Variants in SPECC1 observed in about 807,000 individuals in gnomAD.
The protein encoded by SPECC1 is sperm antigen with calponin homology and coiled-coil domains 1.
A neutral mutation model predicts 104.1 loss-of-function variants in SPECC1; 62 were observed. That is an observed-to-expected ratio of 0.60 (90% CI 0.49 to 0.74). SPECC1 has a LOEUF of 0.74. Among genes scored for constraint, SPECC1 ranks in the 30% least tolerant of loss-of-function variants. SPECC1 has a pLI of 0.00. For synonymous variants in SPECC1, 513 were observed against 501.6 expected, an observed-to-expected ratio of 1.02 and a Z score of -0.30; for missense variants, 1,306 against 1,310.5, an observed-to-expected ratio of 1.00 and a Z score of 0.05.
At chr17:20,118,476 A>C (rs1284668703) in intron 3 of SPECC1, among the ~76,000 whole-genome samples, 2 of 152,384 alleles carry the variant, frequency 1.3e-5, no homozygotes, top group African/African-American at 4.8e-5. Context: ...AATAGTATAC[A>C]GGCATGAAAA....
At chr17:20,182,953 C>A in intron 3 of SPECC1, among the ~76,000 whole-genome samples, 1 of 152,254 alleles carries the variant, frequency 6.6e-6, no homozygotes, top group South Asian at 2.1e-4. Context: ...GAAAAGAGAA[C>A]AAATAATGGG....
At chr17:20,198,847 C>G (rs2036211970) in intron 3 of SPECC1, among the ~76,000 whole-genome samples, 1 of 152,128 alleles carries the variant, frequency 6.6e-6, no homozygotes, top group Non-Finnish European at 1.5e-5. Flanking sequence ...GGTTTCCTCC[C>G]TTGTTTTTCT....
chr17:20,013,592 T>A (rs1199540587), intron 1 of SPECC1, among the ~76,000 whole-genome samples: 4 of 152,224 alleles, frequency 2.6e-5, no homozygotes, highest in Admixed American at 2.6e-4. Context: ...ACCTCCGGCT[T>A]TCGGGTTCAA....
chr17:20,239,878 GTTTTTTTTTTTTTTTTTTTTTTT>G (rs60216339), intron 7 of SPECC1, among the ~76,000 whole-genome samples: 1 of 36,912 alleles, frequency 2.7e-5, no homozygotes, highest in Non-Finnish European at 4.4e-5. Context: ...ATTTCGCTGA[GTTTTTTTTTTTTTTTTTTTTTTT>G]TTTTTTTTTA....
At position 20,232,408 on chromosome 17, in the gene SPECC1, G is replaced by T. The variant is rs1213903648; in HGVS notation, c.2351+3G>T. 6.2e-7 allele frequency: 1 copy of T among 1,602,802 alleles called. No homozygotes were observed. ...GTCACCAGCAGAGCCGCCCCTCCGT[G>T]AGTCTGGTGGGCACCAGGGCCGTGC... is the stretch of plus-strand genomic sequence containing the variant. On this transcript the variant is annotated splice_donor_region_variant and intron_variant, in intron 7 of 14. Coordinates refer to ENST00000395527, the MANE Select transcript of SPECC1 (RefSeq NM_001243439.2).
At chr17:20,017,709 A>G (rs1306822488) in intron 1 of SPECC1, 2 of 152,168 alleles carry the variant, frequency 1.3e-5, no homozygotes, top group East Asian at 1.9e-4. Flanking sequence ...TTTTGCACAA[A>G]TAGTAGCATT....
At chr17:20,264,496 G>T (rs2040151492) in intron 12 of SPECC1, among the ~76,000 whole-genome samples, 1 of 103,028 alleles carries the variant, frequency 9.7e-6, no homozygotes, top group Admixed American at 1.6e-4. Flanking sequence ...TTTTGAGACA[G>T]AGTCTCACTC....
At position 20,099,713 on chromosome 17, in the gene SPECC1, AAAAAAAAC is replaced by A. The variant is rs1178786000; in HGVS notation, c.147+2916_147+2923del. Among the ~76,000 whole-genome samples, 8 of 148,726 alleles carry A rather than the reference AAAAAAAAC, an allele frequency of 5.4e-5. 1 individual carries two copies. Among genetic ancestry groups the A allele is most frequent in the African/African-American group, 1.7e-4 (7 of 40,116 alleles). ...CTATCTCAAAAAAAAAAAAAAAAAA[AAAAAAAAC>A]CCACAAAATATATAAAATAAGGCCG... is the stretch of plus-strand genomic sequence containing the variant. On this transcript the variant is annotated intron_variant, in intron 2 of 14. Coordinates refer to ENST00000395527, the MANE Select transcript of SPECC1 (RefSeq NM_001243439.2).
chr17:20,218,159 A>G (rs1567952860), intron 4 of SPECC1, among the ~76,000 whole-genome samples: 1 of 152,202 alleles, frequency 6.6e-6, no homozygotes, highest in Non-Finnish European at 1.5e-5. Flanking sequence ...TTATATTACT[A>G]CCTAGTGTTG....
At chr17:20,271,635 T>G (rs572577227) in intron 12 of SPECC1, among the ~76,000 whole-genome samples, 5 of 152,200 alleles carry the variant, frequency 3.3e-5, no homozygotes, top group African/African-American at 4.8e-5. Context: ...TGAGGAGATC[T>G]CTCTGGAGCC....
chr17:20,201,463 A>G (rs1020348089), intron 3 of SPECC1, among the ~76,000 whole-genome samples: 2 of 152,164 alleles, frequency 1.3e-5, no homozygotes, highest in East Asian at 1.9e-4. Context: ...CCTGGGCAAC[A>G]AGAGCAAAAC....
intron 1 of SPECC1, among the ~76,000 whole-genome samples, chr17:20,030,014 G>A (rs557222588): frequency 7.8e-4 from 118 of 152,210 alleles, no homozygotes; most frequent in African/African-American, 2.7e-3. Context: ...AAGAGACAAG[G>A]GAGGATTCTT....
At chr17:20,207,161 G>A (rs187277945) in intron 4 of SPECC1, among the ~76,000 whole-genome samples, 38 of 152,256 alleles carry the variant, frequency 2.5e-4, no homozygotes, top group Admixed American at 1.6e-3. Context: ...TAGTTTAGGG[G>A]TTGTCATTGT....
At chr17:20,143,948 G>T (rs1473037779) in intron 3 of SPECC1, among the ~76,000 whole-genome samples, 2 of 152,124 alleles carry the variant, frequency 1.3e-5, no homozygotes, top group African/African-American at 2.4e-5. Context: ...GCCTCCTTCT[G>T]CCATTAGTGG....
chr17:20,130,865 G>A (rs562000114), intron 3 of SPECC1, among the ~76,000 whole-genome samples: 1 of 152,220 alleles, frequency 6.6e-6, no homozygotes, highest in Admixed American at 6.5e-5. Context: ...ACATGGTATG[G>A]CTCTCCATTT....
chr17:20,085,700 T>C (rs1479687204), intron 1 of SPECC1, among the ~76,000 whole-genome samples: 1 of 152,208 alleles, frequency 6.6e-6, no homozygotes, highest in Non-Finnish European at 1.5e-5. Context: ...ATCTCAGGAA[T>C]GCGAGAACAA....
At chr17:20,098,461 G>A (rs555987688) in intron 2 of SPECC1, among the ~76,000 whole-genome samples, 9 of 152,136 alleles carry the variant, frequency 5.9e-5, no homozygotes, top group Admixed American at 1.3e-4. Flanking sequence ...ACTTCTCTGC[G>A]TCAACCCTCT....
At chr17:20,020,320 C>G (rs35254155) in intron 1 of SPECC1, among the ~76,000 whole-genome samples, 34,409 of 151,926 alleles carry the variant, frequency 0.23, 4,749 homozygotes, top group Middle Eastern at 0.35. Context: ...TAGTTTCCTC[C>G]CTTTCTCTGT....
chr17:20,049,341 C>G (rs1483685579), intron 1 of SPECC1, among the ~76,000 whole-genome samples: 1 of 152,074 alleles, frequency 6.6e-6, no homozygotes, highest in Non-Finnish European at 1.5e-5. Flanking sequence ...TGGGGCACAC[C>G]TGTAGTCCTG....
Sources: gnomAD v4.1 joint callset for allele counts (sites outside exome capture counted in the v4.1 genomes callset) on GRCh38, gnomAD v4.1.1 for gene constraint, MANE v1.5 for transcripts, NCBI Gene and HGNC (gene_info 2026-07-23, HGNC 2026-07-21) for gene names.